The following SPATA22 variants were observed in gnomAD, a reference collection of about 807,000 sequenced individuals.
SPATA22 encodes spermatogenesis-associated protein 22.
A neutral mutation model predicts 47.8 loss-of-function variants in SPATA22; 29 were observed. That is an observed-to-expected ratio of 0.61 (90% CI 0.45 to 0.83). The LOEUF is 0.83. Among genes scored for constraint, SPATA22 ranks in the 40% least tolerant of loss-of-function variants. The pLI is 0.00. For synonymous variants in SPATA22, 133 were observed against 140.9 expected (o/e 0.94, Z 0.40); for missense variants, 410 against 421.7 (o/e 0.97, Z 0.24).
chr17:3,471,506 C>G (rs2073433816), intron 1 of SPATA22, 176 bp downstream of exon 1: 4 of 985,348 alleles, frequency 4.1e-6, no homozygotes, highest in Non-Finnish European at 4.8e-6. Flanking sequence ...AAAAAGTGTG[C>G]TCAATCTGCA....
Position 3,499,039 on chromosome 17 carries a change from C to A in SPATA22, c.-74+14373G>T. 6.2e-7 allele frequency: 1 copy of A among 1,614,132 alleles called. No individual in the cohort carries two copies. The highest frequency in any genetic ancestry group is 1.7e-5 in the Admixed American group (1 of 60,004). ...GAAAAGAAAGAAGCTTTTGCAAAGA[C>A]AACTAAACTAACGCTCAATGCAAAA... On this transcript the variant is annotated intron_variant, in intron 1 of 8. Coordinates refer to the SPATA22 transcript ENST00000541913.
At chr17:3,494,258 C>G (rs953829688) in intron 1 of SPATA22, 4 of 942,318 alleles carry the variant, frequency 4.2e-6, no homozygotes, top group Non-Finnish European at 6.9e-6. Flanking sequence ...CCCAACTCGG[C>G]CTCCCAAAGT....
chr17:3,440,560 C>G, intron 8 of SPATA22: 2 of 347,640 alleles, frequency 5.8e-6, no homozygotes, highest in Non-Finnish European at 1.0e-5. Flanking sequence ...TACAAGCTAG[C>G]AAGTTGTTGC....
chr17:3,452,364 C>A (rs1157189599), intron 5 of SPATA22, among the ~76,000 whole-genome samples: 1 of 150,962 alleles, frequency 6.6e-6, no homozygotes, highest in Non-Finnish European at 1.5e-5. Flanking sequence ...GAGGCCGAGG[C>A]AGGCGGAGCA....
intron 5 of SPATA22, among the ~76,000 whole-genome samples, chr17:3,460,011 T>C (rs1378046161): frequency 1.3e-5 from 2 of 152,218 alleles, no homozygotes; most frequent in African/African-American, 4.8e-5. Flanking sequence ...AAAGACATGA[T>C]GTGTTATAAG....
At chr17:3,452,467 C>T (rs1486795594) in intron 5 of SPATA22, among the ~76,000 whole-genome samples, 1 of 151,884 alleles carries the variant, frequency 6.6e-6, no homozygotes, top group East Asian at 1.9e-4. Flanking sequence ...TGGGGCAGGC[C>T]TGTAGTCCCA....
intron 5 of SPATA22, among the ~76,000 whole-genome samples, chr17:3,452,869 G>T (rs572105357): frequency 6.6e-6 from 1 of 152,196 alleles, no homozygotes; most frequent in East Asian, 1.9e-4. Context: ...CCAATAATAA[G>T]GAGATTAACG....
At chr17:3,451,831 C>T (rs1417997567) in intron 5 of SPATA22, among the ~76,000 whole-genome samples, 1 of 151,702 alleles carries the variant, frequency 6.6e-6, no homozygotes, top group Non-Finnish European at 1.5e-5. Flanking sequence ...CCTGTAGTCC[C>T]AGCTACTTGG....
intron 8 of SPATA22, chr17:3,441,024 G>GTGA (rs1161703619): frequency 6.6e-6 from 1 of 152,038 alleles, no homozygotes; most frequent in Non-Finnish European, 1.5e-5. Flanking sequence ...ACCCAAAAGT[G>GTGA]TGATGCCTTT....
intron 1 of SPATA22, among the ~76,000 whole-genome samples, chr17:3,489,999 A>G (rs1316611543): frequency 6.6e-6 from 1 of 152,236 alleles, no homozygotes; most frequent in African/African-American, 2.4e-5. Context: ...AAGAATCTTC[A>G]AAACACAATG....
rs1446467099 is a variant in SPATA22 at position 3,481,706 on chromosome 17, G to T, written c.-73-12308C>A. 1.9e-6 allele frequency: 3 copies of T among 1,613,774 alleles called. No homozygotes were observed. Among genetic ancestry groups the T allele is most frequent in the South Asian group, 1.1e-5 (1 of 91,016 alleles). ...TGAAGATTCCTATGACATTATTTTTGACCTTCACAACACCACCTCTAACAT... is the reference window on the plus strand; with the variant it reads ...TGAAGATTCCTATGACATTATTTTTTACCTTCACAACACCACCTCTAACAT... On this transcript the variant is annotated intron_variant, in intron 1 of 8. Coordinates refer to the SPATA22 transcript ENST00000541913.
At chr17:3,454,054 A>C (rs1045642895) in intron 5 of SPATA22, among the ~76,000 whole-genome samples, 2 of 152,124 alleles carry the variant, frequency 1.3e-5, no homozygotes, top group Admixed American at 1.3e-4. Context: ...AACATACAAA[A>C]ATCAGGAGCA....
At chr17:3,454,367 G>T (rs1307835592) in intron 5 of SPATA22, among the ~76,000 whole-genome samples, 2 of 151,822 alleles carry the variant, frequency 1.3e-5, no homozygotes, top group African/African-American at 2.4e-5. Flanking sequence ...TGTTACATAT[G>T]TATACATGTG....
intron 7 of SPATA22, among the ~76,000 whole-genome samples, chr17:3,444,551 C>T (rs1020284964): frequency 6.6e-6 from 1 of 151,984 alleles, no homozygotes; most frequent in African/African-American, 2.4e-5. Flanking sequence ...TCTGGAGAGA[C>T]TATAGTGTGG....
At chr17:3,497,240 T>C (rs1422216564) in intron 1 of SPATA22, among the ~76,000 whole-genome samples, 1 of 152,140 alleles carries the variant, frequency 6.6e-6, no homozygotes, top group Admixed American at 6.5e-5. Context: ...AGACGTGTGT[T>C]GAAGAGGTTC....
rs149537674 is a variant in SPATA22, at chr17:3,508,824, G to A, written c.-74+4588C>T. ...TAAATGACGAGTTAATGGGTGCAGC[G>A]CACCAGCATGGCACATGTATACATA... On this transcript the variant is annotated intron_variant, in intron 1 of 8. Transcript: ENST00000541913. 1.5e-4 allele frequency among the ~76,000 whole-genome samples: 21 copies of A among 143,682 alleles called. No individual in the cohort carries two copies. The East Asian group carries it at 2.9e-3, about 20-fold the overall frequency. The allele number at this position is 143,682 out of a possible 152,430, so 94.3% of individuals were successfully genotyped here. A position where few individuals can be genotyped will look rare whatever the true frequency, so the allele number is the denominator to read the frequency against.
chr17:3,449,572 A>G (rs1356074250), intron 5 of SPATA22, among the ~76,000 whole-genome samples: 1 of 152,228 alleles, frequency 6.6e-6, no homozygotes, highest in Non-Finnish European at 1.5e-5. Context: ...TAAAATTTTA[A>G]GAAGTTAAAC....
upstream of SPATA22, chr17:3,476,461 G>C: frequency 7.1e-7 from 1 of 1,410,050 alleles, no homozygotes; most frequent in South Asian, 1.2e-5. Flanking sequence ...GTGTGAAAGA[G>C]AACACATATA....
At chr17:3,444,059 C>T (rs2072659853) in intron 7 of SPATA22, among the ~76,000 whole-genome samples, 2 of 152,000 alleles carry the variant, frequency 1.3e-5, no homozygotes, top group South Asian at 4.1e-4. Flanking sequence ...TGTTTAACCA[C>T]TTTCAAATCT....
Sources: gnomAD v4.1 joint callset for allele counts (sites outside exome capture counted in the v4.1 genomes callset) on GRCh38, gnomAD v4.1.1 for gene constraint, MANE v1.5 for transcripts, NCBI Gene and HGNC (gene_info 2026-07-23, HGNC 2026-07-21) for gene names.